TBC1D5: variants seen among roughly 807,000 people sequenced by gnomAD.
The protein encoded by TBC1D5 is TBC1 domain family member 5.
TBC1D5 carries 75 observed loss-of-function variants against 100.3 expected under a neutral mutation model. That is an observed-to-expected ratio of 0.75 (90% confidence interval 0.62 to 0.91). The LOEUF (loss-of-function observed/expected upper bound fraction) is 0.91. Ranked by LOEUF, TBC1D5 falls within the 40% of genes least tolerant of loss-of-function variation. The pLI is 0.00. For missense variants in TBC1D5, 910 were observed against 942.4 expected (o/e 0.97, Z 0.45); for synonymous variants, 323 against 325.6 (o/e 0.99, Z 0.09).
intron 2 of TBC1D5, among the ~76,000 whole-genome samples, chr3:17,609,195 G>A (rs1007631339): frequency 4.6e-5 from 7 of 152,094 alleles, no homozygotes; most frequent in Non-Finnish European, 1.0e-4. Context: ...CACATTTTAT[G>A]AACTTTTTCA....
At chr3:17,414,414 T>C (rs550995321) in intron 4 of TBC1D5, among the ~76,000 whole-genome samples, 7 of 152,324 alleles carry the variant, frequency 4.6e-5, no homozygotes, top group Admixed American at 2.0e-4. Context: ...TATATCAAAA[T>C]ACATTAGTGA....
chr3:17,408,434 A>C (rs767330473), intron 4 of TBC1D5, among the ~76,000 whole-genome samples: 2 of 151,852 alleles, frequency 1.3e-5, no homozygotes, highest in Non-Finnish European at 2.9e-5. Flanking sequence ...CTCAGCCTCC[A>C]CTGTAGCTGA....
intron 14 of TBC1D5, among the ~76,000 whole-genome samples, chr3:17,303,151 A>AT (rs1452393157): frequency 1.3e-5 from 2 of 152,238 alleles, no homozygotes; most frequent in Non-Finnish European, 2.9e-5. Flanking sequence ...CTAGGGAACA[A>AT]TGTCTTTCCC....
intron 2 of TBC1D5, among the ~76,000 whole-genome samples, chr3:17,597,468 T>C (rs2060643963): frequency 6.6e-6 from 1 of 152,212 alleles, no homozygotes; most frequent in Non-Finnish European, 1.5e-5. Context: ...CCAGTATCCA[T>C]TTAGTCTTAA....
At chr3:17,199,085 T>C (rs2125769070) in intron 18 of TBC1D5, among the ~76,000 whole-genome samples, 1 of 152,344 alleles carries the variant, frequency 6.6e-6, no homozygotes, top group Non-Finnish European at 1.5e-5. Flanking sequence ...TTATAGTTAG[T>C]CCATCTTGGA....
At chr3:17,697,718 C>T (rs1301986207) in intron 1 of TBC1D5, among the ~76,000 whole-genome samples, 3 of 152,134 alleles carry the variant, frequency 2.0e-5, no homozygotes, top group African/African-American at 7.2e-5. Context: ...CCCCATCAAG[C>T]TACCAATGAC....
At position 17,195,829 on chromosome 3, in the gene TBC1D5, A is replaced by C. The variant is rs147481873; in HGVS notation, c.1753-10621T>G. 2.0e-3 allele frequency among the ~76,000 whole-genome samples: 305 copies of C among 151,768 alleles called. 5 individuals carry two copies. The highest frequency in any genetic ancestry group is 0.014 in the Admixed American group (218 of 15,224). On this transcript the variant is annotated intron_variant, in intron 18 of 21. Coordinates refer to ENST00000253692, the Ensembl canonical transcript of TBC1D5. ...AAGAAAAAAAGGTGAGAAGGAAATA[A>C]TTCTCTAAATTGCCTGGTTTATTCA... is the stretch of plus-strand genomic sequence containing the variant.
At chr3:17,635,187 A>C (rs1257947373) in intron 1 of TBC1D5, among the ~76,000 whole-genome samples, 1 of 152,216 alleles carries the variant, frequency 6.6e-6, no homozygotes, top group African/African-American at 2.4e-5. Flanking sequence ...CAGGTGAAAT[A>C]TGTTTGGAAG....
At chr3:17,243,421 G>A (rs570767849) in intron 16 of TBC1D5, among the ~76,000 whole-genome samples, 7 of 152,054 alleles carry the variant, frequency 4.6e-5, no homozygotes, top group South Asian at 2.1e-4. Flanking sequence ...TGACAGATAC[G>A]CTAATTATTC....
chr3:17,714,721 C>G (rs886208910), intron 1 of TBC1D5, among the ~76,000 whole-genome samples: 1 of 152,168 alleles, frequency 6.6e-6, no homozygotes, highest in Non-Finnish European at 1.5e-5. Context: ...GTAGTCCCAG[C>G]TACTTGTGAG....
At chr3:17,555,678 T>C (rs1576678797) in intron 2 of TBC1D5, among the ~76,000 whole-genome samples, 1 of 152,278 alleles carries the variant, frequency 6.6e-6, no homozygotes, top group Admixed American at 6.5e-5. Context: ...ACATGTTAAA[T>C]ATGGGGTAAA....
chr3:17,459,241 C>T (rs945418618), intron 3 of TBC1D5, among the ~76,000 whole-genome samples: 1 of 152,134 alleles, frequency 6.6e-6, no homozygotes, highest in African/African-American at 2.4e-5. Flanking sequence ...TCATGGAATA[C>T]AATTTTTCCA....
At chr3:17,591,203 TC>T (rs1216974488) in intron 2 of TBC1D5, among the ~76,000 whole-genome samples, 1 of 109,942 alleles carries the variant, frequency 9.1e-6, no homozygotes, top group Non-Finnish European at 1.7e-5. Context: ...GCCACTGTAC[TC>T]CAGACTGGGC....
intron 3 of TBC1D5, among the ~76,000 whole-genome samples, chr3:17,485,303 A>T (rs1174525035): frequency 4.8e-5 from 7 of 144,390 alleles, no homozygotes; most frequent in Non-Finnish European, 7.5e-5. Context: ...ATTTTATTTT[A>T]TTTTTTTTAC....
intron 13 of TBC1D5, among the ~76,000 whole-genome samples, chr3:17,336,039 T>A (rs1302733236): frequency 6.6e-6 from 1 of 152,084 alleles, no homozygotes; most frequent in Non-Finnish European, 1.5e-5. Flanking sequence ...TTACAATGTA[T>A]AAGGAATGGG....
chr3:17,537,567 T>G (rs1208781942), intron 2 of TBC1D5, among the ~76,000 whole-genome samples: 1 of 152,104 alleles, frequency 6.6e-6, no homozygotes, highest in Non-Finnish European at 1.5e-5. Flanking sequence ...TACTTCCCAT[T>G]CCTCCTCCCC....
At chr3:17,627,983 T>G (rs1349197345) in intron 1 of TBC1D5, among the ~76,000 whole-genome samples, 1 of 152,192 alleles carries the variant, frequency 6.6e-6, no homozygotes, top group Non-Finnish European at 1.5e-5. Flanking sequence ...AGTATCCATA[T>G]AAATTATACA....
At chr3:17,494,401 G>A (rs1305137102) in intron 3 of TBC1D5, among the ~76,000 whole-genome samples, 1 of 152,234 alleles carries the variant, frequency 6.6e-6, no homozygotes, top group South Asian at 2.1e-4. Context: ...CACGGAATCA[G>A]GAACCTGCTT....
At chr3:17,702,459 A>G (rs2073347178) in intron 1 of TBC1D5, 2 of 152,150 alleles carry the variant, frequency 1.3e-5, no homozygotes, top group Admixed American at 1.3e-4. Context: ...ATAATGGGTA[A>G]AAGCTTAGAA....
Sources: gnomAD v4.1 joint callset for allele counts (sites outside exome capture counted in the v4.1 genomes callset) on GRCh38, gnomAD v4.1.1 for gene constraint, MANE v1.5 for transcripts, NCBI Gene and HGNC (gene_info 2026-07-23, HGNC 2026-07-21) for gene names.